TRHDE: variants seen among roughly 807,000 people sequenced by gnomAD.
The protein encoded by TRHDE is thyrotropin releasing hormone degrading enzyme, also known as thyrotropin-releasing hormone-degrading ectoenzyme.
TRHDE carries 72 observed loss-of-function variants against 125.7 expected under a neutral mutation model. The observed-to-expected ratio is 0.57, with a 90% CI of 0.47 to 0.70. The LOEUF (loss-of-function observed/expected upper bound fraction) is 0.70. TRHDE is among the 30% of genes least tolerant of loss of function. TRHDE has a pLI of 0.00. For missense variants in TRHDE, 1,110 were observed against 1,327.1 expected (o/e 0.84, Z 2.54); for synonymous variants, 509 against 509.1 (o/e 1.00, Z 0.00).
At chr12:72,178,122 A>G (rs73135440) in intron 2 of TRHDE, among the ~76,000 whole-genome samples, 3,453 of 152,240 alleles carry the variant, frequency 0.023, 66 homozygotes, top group Non-Finnish European at 0.04. Context: ...TGCCTCACAG[A>G]TGATTCAGAA....
At chr12:72,289,276 A>C (rs1025682782) in intron 2 of TRHDE, among the ~76,000 whole-genome samples, 1 of 152,138 alleles carries the variant, frequency 6.6e-6, no homozygotes, top group Non-Finnish European at 1.5e-5. Flanking sequence ...GCTGAATGGT[A>C]GTAGGGCCCT....
intron 12 of TRHDE, among the ~76,000 whole-genome samples, chr12:72,585,438 C>T (rs1871399469): frequency 1.3e-5 from 2 of 152,162 alleles, no homozygotes; most frequent in Admixed American, 1.3e-4. Context: ...TATGGTCACT[C>T]CACAGTAAAT....
At chr12:72,152,498 G>A (rs1465007174) in intron 2 of TRHDE, among the ~76,000 whole-genome samples, 4 of 152,152 alleles carry the variant, frequency 2.6e-5, no homozygotes, top group Admixed American at 2.6e-4. Context: ...AATACTTCCA[G>A]TTTTTGTCCA....
intron 2 of TRHDE, among the ~76,000 whole-genome samples, chr12:72,187,435 C>T (rs1258198521): frequency 1.7e-5 from 2 of 119,874 alleles, no homozygotes; most frequent in African/African-American, 6.6e-5. Flanking sequence ...GACTGAGGCC[C>T]GAGGTGGGGG....
intron 5 of TRHDE, among the ~76,000 whole-genome samples, chr12:72,492,344 A>G (rs1349042636): frequency 6.6e-6 from 1 of 151,958 alleles, no homozygotes; most frequent in African/African-American, 2.4e-5. Context: ...AACTTAAAAT[A>G]CTTTTGGACA....
intron 15 of TRHDE, among the ~76,000 whole-genome samples, chr12:72,642,268 A>C (rs1478708434): frequency 6.6e-6 from 1 of 152,136 alleles, no homozygotes; most frequent in East Asian, 1.9e-4. Flanking sequence ...GCATGTCTTT[A>C]TTTTTCTACC....
intron 3 of TRHDE, among the ~76,000 whole-genome samples, chr12:72,397,773 A>T (rs903870881): frequency 2.0e-5 from 3 of 152,188 alleles, no homozygotes; most frequent in African/African-American, 4.8e-5. Context: ...TGATGACATT[A>T]TCAAAAGTAA....
At chr12:72,089,709 T>C (rs1422597527) in intron 1 of TRHDE, among the ~76,000 whole-genome samples, 5 of 152,188 alleles carry the variant, frequency 3.3e-5, no homozygotes, top group African/African-American at 9.6e-5. Flanking sequence ...ACTCCAAATC[T>C]CTTAACTCTG....
At chr12:72,385,500 A>T (rs1225215130) in intron 3 of TRHDE, among the ~76,000 whole-genome samples, 1 of 151,992 alleles carries the variant, frequency 6.6e-6, no homozygotes, top group Non-Finnish European at 1.5e-5. Flanking sequence ...TCATAAGTTT[A>T]TTTTCTCATA....
intron 5 of TRHDE, among the ~76,000 whole-genome samples, chr12:72,478,391 C>T (rs977970389): frequency 6.6e-6 from 1 of 152,108 alleles, no homozygotes; most frequent in Non-Finnish European, 1.5e-5. Flanking sequence ...TTCTCTGTTC[C>T]CTCCTGCTTT....
At chr12:72,529,479 A>G (rs934244067) in intron 6 of TRHDE, among the ~76,000 whole-genome samples, 4 of 152,202 alleles carry the variant, frequency 2.6e-5, no homozygotes, top group Admixed American at 2.6e-4. Flanking sequence ...ACTCTTATTC[A>G]TATTTTAATA....
chr12:72,641,072 A>C (rs929734852), intron 15 of TRHDE, among the ~76,000 whole-genome samples: 11 of 152,212 alleles, frequency 7.2e-5, no homozygotes, highest in African/African-American at 1.2e-4. Flanking sequence ...TAGGGTAAAA[A>C]ATGAAGCCCA....
At chr12:72,362,350 A>C (rs1427348758) in intron 2 of TRHDE, among the ~76,000 whole-genome samples, 23 of 149,820 alleles carry the variant, frequency 1.5e-4, no homozygotes, top group Admixed American at 1.5e-3. Context: ...TTTTGGCTGC[A>C]TAAATGTCTT....
chr12:72,437,586 G>A (rs1874802312), intron 3 of TRHDE, among the ~76,000 whole-genome samples: 1 of 151,682 alleles, frequency 6.6e-6, no homozygotes, highest in African/African-American at 2.4e-5. Flanking sequence ...TCATAATATG[G>A]TAGAAATCTT....
At chr12:72,136,188 A>G (rs1592454067) in intron 2 of TRHDE, among the ~76,000 whole-genome samples, 1 of 152,316 alleles carries the variant, frequency 6.6e-6, no homozygotes, top group Middle Eastern at 3.4e-3. Flanking sequence ...GGCTATATGA[A>G]CATCTGCAAA....
chr12:72,475,697 T>G (rs1156272489), intron 5 of TRHDE, among the ~76,000 whole-genome samples: 2 of 152,130 alleles, frequency 1.3e-5, no homozygotes, highest in Non-Finnish European at 2.9e-5. Context: ...GACCATGCAT[T>G]AGGAGTATAA....
chr12:72,573,115 T>G (rs1444820827), intron 10 of TRHDE, among the ~76,000 whole-genome samples: 1 of 151,960 alleles, frequency 6.6e-6, no homozygotes, highest in Non-Finnish European at 1.5e-5. Flanking sequence ...ACTTAGAGAT[T>G]AATTAATTCT....
chr12:72,297,166 G>A (rs932425781), intron 2 of TRHDE, among the ~76,000 whole-genome samples: 3 of 152,196 alleles, frequency 2.0e-5, no homozygotes, highest in African/African-American at 7.2e-5. Flanking sequence ...AGGAGGGTAA[G>A]ACATCTAGAG....
rs768516947 is a variant in TRHDE at position 72,419,432 on chromosome 12, C to T, written c.1315+41311C>T. ...GCAAGCTGTACAAGTATGGCACCAG[C>T]GTCTGCTCCTGGTGAGGGCCTCAGG... On this transcript the variant is annotated intron_variant, in intron 3 of 18. Coordinates refer to ENST00000261180, the MANE Select transcript of TRHDE (RefSeq NM_013381.3). Among the ~76,000 whole-genome samples, 23 of 152,064 alleles carry T rather than the reference C, an allele frequency of 1.5e-4. No individual in the cohort carries two copies. In the East Asian group the frequency reaches 3.3e-3, roughly 22 times the overall value.
Sources: gnomAD v4.1 joint callset for allele counts (sites outside exome capture counted in the v4.1 genomes callset) on GRCh38, gnomAD v4.1.1 for gene constraint, MANE v1.5 for transcripts, NCBI Gene and HGNC (gene_info 2026-07-23, HGNC 2026-07-21) for gene names.